CCDC198: variants seen among roughly 807,000 people sequenced by gnomAD.
CCDC198 encodes factor associated with metabolism and energy.
Under a neutral mutation model 35.6 loss-of-function variants are expected in CCDC198, and 18 were observed. The ratio of observed to expected loss-of-function variants is 0.51; its 90% CI spans 0.35 to 0.75. The LOEUF (loss-of-function observed/expected upper bound fraction) is 0.75. CCDC198 is among the 30% of genes least tolerant of loss of function. The pLI is 0.01. For missense variants in CCDC198, 365 were observed against 343.7 expected (o/e 1.06, Z -0.49); for synonymous variants, 119 against 113.4 (o/e 1.05, Z -0.31).
At chr14:57,488,617 A>C (rs2067451668) in intron 2 of CCDC198, among the ~76,000 whole-genome samples, 1 of 152,212 alleles carries the variant, frequency 6.6e-6, no homozygotes, top group Non-Finnish European at 1.5e-5. Context: ...AAATTTTTGC[A>C]GTCTATCCAT....
chr14:57,491,499 T>C (rs1414105333), intron 1 of CCDC198, among the ~76,000 whole-genome samples: 2 of 152,004 alleles, frequency 1.3e-5, no homozygotes. Context: ...TTAGATGAAA[T>C]AGATGATAGA....
intron 2 of CCDC198, among the ~76,000 whole-genome samples, chr14:57,486,858 G>A (rs2067378780): frequency 6.6e-6 from 1 of 152,150 alleles, no homozygotes; most frequent in South Asian, 2.1e-4. Flanking sequence ...GGGTTCAGTG[G>A]TAGATATCTT....
chr14:57,485,986 A>C (rs2067345365), intron 2 of CCDC198, among the ~76,000 whole-genome samples: 1 of 152,166 alleles, frequency 6.6e-6, no homozygotes. Context: ...GATGCAAAGC[A>C]AATGGGACCT....
At chr14:57,485,068 G>A (rs2139528271) in intron 2 of CCDC198, among the ~76,000 whole-genome samples, 1 of 152,334 alleles carries the variant, frequency 6.6e-6, no homozygotes, top group East Asian at 1.9e-4. Flanking sequence ...CAATCCAGAG[G>A]AAGACCTAGT....
intron 2 of CCDC198, among the ~76,000 whole-genome samples, chr14:57,489,008 C>T (rs1747754279): frequency 6.6e-6 from 1 of 152,142 alleles, no homozygotes; most frequent in Non-Finnish European, 1.5e-5. Flanking sequence ...TTTGACCCAG[C>T]AATCCCGTTA....
Position 57,478,943 on chromosome 14 carries a change from G to C in CCDC198, c.655+1652C>G. 3 of 1,287,722 alleles carry C rather than the reference G, an allele frequency of 2.3e-6. No individual in the cohort carries two copies. The South Asian group carries it at 3.7e-5, about 16-fold the overall frequency. The allele number at this position is 1,287,722 out of a possible 1,614,324, so 79.8% of individuals were successfully genotyped here. ...CTGCAGCTCTCTCAGCGGTGGGTCA[G>C]TCCTGCTGATGTGGGGATTTGGCCC... On this transcript the variant is annotated intron_variant, in intron 5 of 5. Coordinates refer to ENST00000216445, the MANE Select transcript of CCDC198 (RefSeq NM_018168.4).
chr14:57,478,981 T>A, intron 5 of CCDC198: 7 of 1,289,268 alleles, frequency 5.4e-6, no homozygotes, highest in Non-Finnish European at 6.1e-6. Flanking sequence ...GGCACAGCGA[T>A]CTGTGTGTGT....
chr14:57,485,657 G>A (rs1471308689), intron 2 of CCDC198, among the ~76,000 whole-genome samples: 1 of 152,182 alleles, frequency 6.6e-6, no homozygotes, highest in Non-Finnish European at 1.5e-5. Context: ...ACCACTTCTA[G>A]GTCCCTGGTC....
rs560794157 is a variant in CCDC198, at chr14:57,491,491, A to T, written c.224-420T>A. On this transcript the variant is annotated intron_variant, in intron 1 of 5. Transcript: ENST00000216445. ...TTTAAAAAATGAAAACAATCTTCTTAGATGAAATAGATGATAGATAGATAG... is the reference window on the plus strand; with the variant it reads ...TTTAAAAAATGAAAACAATCTTCTTTGATGAAATAGATGATAGATAGATAG... Among the ~76,000 whole-genome samples, 59 of 152,280 alleles carry T rather than the reference A, an allele frequency of 3.9e-4. 1 individual carries two copies. The South Asian group carries it at 0.012, about 30-fold the overall frequency.
At chr14:57,487,773 C>T (rs2067413945) in intron 2 of CCDC198, among the ~76,000 whole-genome samples, 1 of 152,102 alleles carries the variant, frequency 6.6e-6, no homozygotes, top group South Asian at 2.1e-4. Context: ...TTTTCTTTGG[C>T]AGAAATTAGG....
intron 5 of CCDC198, among the ~76,000 whole-genome samples, chr14:57,474,595 T>G (rs1052467345): frequency 1.3e-5 from 2 of 152,228 alleles, no homozygotes; most frequent in African/African-American, 4.8e-5. Context: ...TCATAAAGTA[T>G]TACATACATA....
Position 57,480,903 on chromosome 14 carries a change from G to A in CCDC198, c.496-149C>T. Reference sequence around the variant, plus strand: ...GAACATGGTTTTCTTTTTCCTATTAGAAGGTATGGGAACTTTATTTATTGA... The same window carrying A: ...GAACATGGTTTTCTTTTTCCTATTAAAAGGTATGGGAACTTTATTTATTGA... On this transcript the variant is annotated intron_variant, in intron 4 of 5. Transcript: ENST00000216445. 6.7e-6 allele frequency: 5 copies of A among 751,750 alleles called. 1 individual carries two copies. In the South Asian group the frequency reaches 1.0e-4, roughly 15 times the overall value. 46.6% of individuals were successfully genotyped at this position (751,750 alleles called of 1,614,324 possible). A position where few individuals can be genotyped will look rare whatever the true frequency, so the allele number is the denominator to read the frequency against.
intron 5 of CCDC198, among the ~76,000 whole-genome samples, chr14:57,479,645 T>C (rs181122027): frequency 2.1e-3 from 319 of 152,332 alleles, no homozygotes; most frequent in African/African-American, 7.3e-3. Flanking sequence ...GATGCTTGTA[T>C]GTGGTAATAC....
At chr14:57,478,006 A>G (rs1251539241) in intron 5 of CCDC198, among the ~76,000 whole-genome samples, 9 of 152,102 alleles carry the variant, frequency 5.9e-5, no homozygotes, top group Non-Finnish European at 1.0e-4. Flanking sequence ...GAAGCTCCTC[A>G]GGTGGTTCTG....
At chr14:57,485,730 A>G (rs986338953) in intron 2 of CCDC198, among the ~76,000 whole-genome samples, 1 of 152,188 alleles carries the variant, frequency 6.6e-6, no homozygotes, top group Non-Finnish European at 1.5e-5. Context: ...CCTGGTAAGG[A>G]AGAGAAGAAG....
chr14:57,480,302 A>G (rs1191286629), intron 5 of CCDC198: 2 of 985,254 alleles, frequency 2.0e-6, no homozygotes, highest in Admixed American at 1.2e-4. Flanking sequence ...AGATGAGGCT[A>G]TTTTGCCTTT....
At chr14:57,493,403 C>A in intron 1 of CCDC198, 90 bp downstream of exon 1, 1 of 1,146,742 alleles carries the variant, frequency 8.7e-7, no homozygotes, top group Non-Finnish European at 1.3e-6. Flanking sequence ...AATTTAGAAA[C>A]TTTCTGAGAT....
At chr14:57,472,121 A>G (rs1275129276) in intron 5 of CCDC198, among the ~76,000 whole-genome samples, 1 of 152,182 alleles carries the variant, frequency 6.6e-6, no homozygotes, top group East Asian at 1.9e-4. Context: ...AATAATGCCC[A>G]TTATAACTAC....
At position 57,481,544 on chromosome 14, in the gene CCDC198, T is replaced by C. The variant is rs375262718; in HGVS notation, c.495+15A>G. On this transcript the variant is annotated intron_variant, in intron 4 of 5. Transcript: ENST00000216445. Reference sequence around the variant, plus strand: ...GATGAAAATTTGGTAAATATGACACTCTTCTCGTATTTACCTCTTGTCTTT... The same window carrying C: ...GATGAAAATTTGGTAAATATGACACCCTTCTCGTATTTACCTCTTGTCTTT... 5.7e-5 allele frequency: 90 copies of C among 1,569,184 alleles called. No homozygotes were observed. Among genetic ancestry groups the C allele is most frequent in the Non-Finnish European group, 7.1e-5 (81 of 1,141,368 alleles).
Sources: allele counts gnomAD v4.1 joint callset (sites outside exome capture counted in the v4.1 genomes callset), GRCh38; gene constraint gnomAD v4.1.1; transcripts MANE v1.5; gene names NCBI Gene and HGNC (gene_info 2026-07-23, HGNC 2026-07-21).